Variants in TENM3 observed in about 807,000 individuals in gnomAD.
The protein encoded by TENM3 is teneurin-3.
Under a neutral mutation model 255.1 loss-of-function variants are expected in TENM3, and 63 were observed. That is an observed-to-expected ratio of 0.25 (90% confidence interval 0.20 to 0.30). TENM3 has a LOEUF of 0.30. Ranked by LOEUF, TENM3 falls within the 10% of genes least tolerant of loss-of-function variation. The probability of loss-of-function intolerance (pLI) is 1.00; values close to 1 mark genes in which losing one functional copy is unlikely to be tolerated. For missense variants in TENM3, 2,929 were observed against 3,461.1 expected (o/e 0.85, Z 3.86); for synonymous variants, 1,306 against 1,322.3 (o/e 0.99, Z 0.27).
At chr4:181,976,849 A>C in the TENM3 span, among the ~76,000 whole-genome samples, 1 of 152,216 alleles carries the variant, frequency 6.6e-6, no homozygotes, top group African/African-American at 2.4e-5. Context: ...GAGTTAAATC[A>C]GGGGAGAAAA....
the TENM3 span, among the ~76,000 whole-genome samples, chr4:181,497,557 A>T: frequency 6.0e-4 from 91 of 152,288 alleles, no homozygotes; most frequent in African/African-American, 2.0e-3. Context: ...GAATAAAGTG[A>T]TCATGAGGCC....
intron 1 of TENM3, among the ~76,000 whole-genome samples, chr4:182,146,643 TTCAAA>T (rs1749986753): frequency 1.3e-5 from 2 of 152,174 alleles, no homozygotes; most frequent in Non-Finnish European, 2.9e-5. Flanking sequence ...GAAAAAGTAG[TTCAAA>T]TCAAACACAC....
the TENM3 span, among the ~76,000 whole-genome samples, chr4:181,944,908 A>T: frequency 2.0e-5 from 3 of 151,956 alleles, no homozygotes; most frequent in African/African-American, 7.2e-5. Context: ...TAATTGCAAA[A>T]CTATTCCACG....
At chr4:182,741,037 T>G (rs12645829) in intron 18 of TENM3, among the ~76,000 whole-genome samples, 98,922 of 151,824 alleles carry the variant, frequency 0.65, 32,615 homozygotes, top group East Asian at 0.8. Context: ...TTAGCCAGGC[T>G]TAGTAGTGGG....
intron 1 of TENM3, among the ~76,000 whole-genome samples, chr4:182,164,183 G>A (rs776947629): frequency 4.6e-5 from 7 of 152,066 alleles, no homozygotes; most frequent in Non-Finnish European, 7.4e-5. Flanking sequence ...ACCATTTCAC[G>A]TATGCTCTTG....
the TENM3 span, among the ~76,000 whole-genome samples, chr4:181,448,198 G>T: frequency 8.8e-6 from 1 of 113,890 alleles, no homozygotes; most frequent in East Asian, 2.6e-4. Context: ...ACGGAGTCTC[G>T]CTCTGTCGCC....
intron 10 of TENM3, among the ~76,000 whole-genome samples, chr4:182,681,416 A>G (rs1756165666): frequency 6.6e-6 from 1 of 152,234 alleles, no homozygotes; most frequent in Non-Finnish European, 1.5e-5. Context: ...AAGGATAGAG[A>G]GTATGCAACT....
intron 22 of TENM3, among the ~76,000 whole-genome samples, chr4:182,758,417 T>G (rs1762886231): frequency 6.6e-6 from 1 of 152,138 alleles, no homozygotes; most frequent in Non-Finnish European, 1.5e-5. Flanking sequence ...ACGTATTGTC[T>G]GTGTAAGTTT....
chr4:181,604,536 C>T, the TENM3 span, among the ~76,000 whole-genome samples: 2 of 152,130 alleles, frequency 1.3e-5, no homozygotes, highest in African/African-American at 2.4e-5. Context: ...GATGGCTGTG[C>T]GTTCCTCGGG....
At chr4:181,569,886 G>C in the TENM3 span, among the ~76,000 whole-genome samples, 2 of 152,092 alleles carry the variant, frequency 1.3e-5, no homozygotes, top group Non-Finnish European at 2.9e-5. Context: ...CACAGTTTTA[G>C]ACATTCAGGA....
At chr4:181,928,866 G>A in the TENM3 span, among the ~76,000 whole-genome samples, 56 of 152,158 alleles carry the variant, frequency 3.7e-4, no homozygotes, top group African/African-American at 1.3e-3. Context: ...AGAGAGTGGG[G>A]GCCAATATTC....
chr4:181,669,531 G>A, the TENM3 span, among the ~76,000 whole-genome samples: 1 of 152,108 alleles, frequency 6.6e-6, no homozygotes, highest in African/African-American at 2.4e-5. Flanking sequence ...TGGAGAAGCT[G>A]AGTTAGGGTT....
chr4:181,534,443 G>C, the TENM3 span, among the ~76,000 whole-genome samples: 1 of 147,456 alleles, frequency 6.8e-6, no homozygotes, highest in Non-Finnish European at 1.5e-5. Flanking sequence ...CTTTACAGTG[G>C]ATGGAGACTT....
chr4:182,270,031 G>C (rs1346845337), intron 1 of TENM3, among the ~76,000 whole-genome samples: 5 of 152,186 alleles, frequency 3.3e-5, no homozygotes, highest in Admixed American at 3.3e-4. Flanking sequence ...TGTCTAATTG[G>C]CAATTGGTTG....
chr4:182,248,104 A>G (rs1027379613), intron 1 of TENM3, among the ~76,000 whole-genome samples: 1 of 152,244 alleles, frequency 6.6e-6, no homozygotes, highest in African/African-American at 2.4e-5. Context: ...AAGCAAGCAT[A>G]TATGAAATAC....
chr4:182,276,088 C>G (rs901059551), intron 1 of TENM3, among the ~76,000 whole-genome samples: 1 of 152,134 alleles, frequency 6.6e-6, no homozygotes, highest in African/African-American at 2.4e-5. Flanking sequence ...GAGAAGTCTC[C>G]AGCTGGGCAG....
intron 26 of TENM3, among the ~76,000 whole-genome samples, chr4:182,795,540 A>T (rs1020353982): frequency 7.9e-5 from 12 of 152,216 alleles, no homozygotes; most frequent in African/African-American, 2.9e-4. Context: ...TTATAGCCAT[A>T]TGATGCCTGG....
chr4:181,864,804 T>C, the TENM3 span, among the ~76,000 whole-genome samples: 35,669 of 152,084 alleles, frequency 0.23, 7,362 homozygotes, highest in East Asian at 0.65. Flanking sequence ...TGTTACATTG[T>C]TCTCACCCAT....
intron 4 of TENM3, among the ~76,000 whole-genome samples, chr4:182,601,832 T>C (rs1284005834): frequency 6.6e-6 from 1 of 152,234 alleles, no homozygotes; most frequent in African/African-American, 2.4e-5. Context: ...CAACTAGTAG[T>C]CTGCAACTAT....
Sources: allele counts gnomAD v4.1 joint callset (sites outside exome capture counted in the v4.1 genomes callset), GRCh38; gene constraint gnomAD v4.1.1; transcripts MANE v1.5; gene names NCBI Gene and HGNC (gene_info 2026-07-23, HGNC 2026-07-21).